LDB2: variants seen among roughly 807,000 people sequenced by gnomAD.
The protein encoded by LDB2 is LIM domain binding 2.
A neutral mutation model predicts 44.3 loss-of-function variants in LDB2; 12 were observed. That is an observed-to-expected ratio of 0.27 (90% CI 0.17 to 0.44). The LOEUF (loss-of-function observed/expected upper bound fraction) is 0.44. Ranked by LOEUF, LDB2 falls within the 20% of genes least tolerant of loss-of-function variation. The pLI is 1.00. For synonymous variants in LDB2, 164 were observed against 174.8 expected (o/e 0.94, Z 0.49); for missense variants, 344 against 473.5 (o/e 0.73, Z 2.54).
chr4:16,849,153 T>G (rs1015077942), intron 1 of LDB2, among the ~76,000 whole-genome samples: 1 of 152,184 alleles, frequency 6.6e-6, no homozygotes, highest in Non-Finnish European at 1.5e-5. Context: ...CCTCTGTCTT[T>G]CTTTTGCTGT....
At chr4:16,573,946 T>A (rs567820846) in intron 5 of LDB2, among the ~76,000 whole-genome samples, 35 of 152,166 alleles carry the variant, frequency 2.3e-4, no homozygotes, top group Admixed American at 6.5e-4. Context: ...CTCACAAAAA[T>A]AAGAAACAAA....
chr4:16,877,937 A>T (rs1718911060), intron 1 of LDB2, among the ~76,000 whole-genome samples: 1 of 152,062 alleles, frequency 6.6e-6, no homozygotes, highest in Non-Finnish European at 1.5e-5. Context: ...CTCAAAGACA[A>T]GAGGCAATTG....
At chr4:16,847,862 C>T (rs1164815802) in intron 1 of LDB2, among the ~76,000 whole-genome samples, 2 of 152,204 alleles carry the variant, frequency 1.3e-5, no homozygotes, top group South Asian at 2.1e-4. Flanking sequence ...GTGATCCACC[C>T]GCCTTGGCCT....
intron 1 of LDB2, among the ~76,000 whole-genome samples, chr4:16,814,001 A>G (rs1780423162): frequency 6.6e-6 from 1 of 151,374 alleles, no homozygotes; most frequent in Non-Finnish European, 1.5e-5. Flanking sequence ...CCTCCCGAGT[A>G]GCTGGGACTA....
intron 1 of LDB2, among the ~76,000 whole-genome samples, chr4:16,895,219 G>C (rs1337396338): frequency 6.6e-6 from 1 of 151,544 alleles, no homozygotes; most frequent in Non-Finnish European, 1.5e-5. Context: ...TAGTTTGTAA[G>C]AGTTAGAAAT....
chr4:16,613,163 C>T lies in LDB2; in HGVS notation c.236-17288G>A, dbSNP rs142243712. On this transcript the variant is annotated intron_variant, in intron 2 of 7. Transcript: ENST00000304523. ...AAGGCCTTTGGTAAAATTCAACATC[C>T]CTTCATGTTAAAATCTCTCAATAAA... is the stretch of plus-strand genomic sequence containing the variant. Among the ~76,000 whole-genome samples, 516 of 152,228 alleles carry T rather than the reference C, an allele frequency of 3.4e-3. 4 individuals carry two copies. Among genetic ancestry groups the T allele is most frequent in the African/African-American group, 0.012 (484 of 41,536 alleles).
At chr4:16,693,988 C>A (rs1024129918) in intron 2 of LDB2, among the ~76,000 whole-genome samples, 2 of 152,288 alleles carry the variant, frequency 1.3e-5, no homozygotes, top group Non-Finnish European at 2.9e-5. Context: ...GTGTAGGTTA[C>A]CTGTTGTCGC....
At chr4:16,641,263 A>G (rs1300339003) in intron 2 of LDB2, among the ~76,000 whole-genome samples, 1 of 152,204 alleles carries the variant, frequency 6.6e-6, no homozygotes, top group African/African-American at 2.4e-5. Flanking sequence ...AAAGGAGCTT[A>G]CCTTTTATTA....
intron 2 of LDB2, among the ~76,000 whole-genome samples, chr4:16,715,420 C>G (rs145118006): frequency 0.011 from 1,661 of 152,278 alleles, 31 homozygotes; most frequent in African/African-American, 0.037. Flanking sequence ...GGTCACTGGA[C>G]TATAGATGTC....
intron 2 of LDB2, among the ~76,000 whole-genome samples, chr4:16,624,024 A>G (rs1398873055): frequency 6.6e-6 from 1 of 152,162 alleles, no homozygotes; most frequent in Non-Finnish European, 1.5e-5. Flanking sequence ...CTTTTTTGCC[A>G]GTTCTAGCTT....
chr4:16,819,430 C>A, intron 1 of LDB2, among the ~76,000 whole-genome samples: 1 of 145,532 alleles, frequency 6.9e-6, no homozygotes, highest in African/African-American at 2.6e-5. Flanking sequence ...AAAGAAGAAC[C>A]CTCCCTGAAC....
intron 2 of LDB2, among the ~76,000 whole-genome samples, chr4:16,702,562 C>A (rs1753691076): frequency 6.6e-6 from 1 of 152,190 alleles, no homozygotes; most frequent in Admixed American, 6.5e-5. Context: ...GTGTTTCAGG[C>A]TTTGATGGAC....
At chr4:16,727,434 G>A (rs923171957) in intron 2 of LDB2, among the ~76,000 whole-genome samples, 6 of 152,322 alleles carry the variant, frequency 3.9e-5, no homozygotes, top group South Asian at 4.1e-4. Flanking sequence ...GGGAAGACTC[G>A]AGCATGGGGA....
intron 2 of LDB2, among the ~76,000 whole-genome samples, chr4:16,711,267 G>T (rs1560961093): frequency 6.6e-6 from 1 of 152,176 alleles, no homozygotes; most frequent in Non-Finnish European, 1.5e-5. Context: ...AAGAATCACG[G>T]CATTATGGTT....
intron 1 of LDB2, among the ~76,000 whole-genome samples, chr4:16,802,508 T>A (rs910800469): frequency 6.6e-6 from 1 of 152,172 alleles, no homozygotes; most frequent in Non-Finnish European, 1.5e-5. Context: ...TTGCTGACTC[T>A]CATGTTCACC....
chr4:16,862,795 T>C (rs1244967466), intron 1 of LDB2, among the ~76,000 whole-genome samples: 2 of 152,150 alleles, frequency 1.3e-5, no homozygotes, highest in Non-Finnish European at 2.9e-5. Context: ...ATTGGAATTA[T>C]TAAACCAAAC....
chr4:16,781,514 C>T (rs1773226584), intron 1 of LDB2, among the ~76,000 whole-genome samples: 1 of 152,094 alleles, frequency 6.6e-6, no homozygotes, highest in African/African-American at 2.4e-5. Flanking sequence ...TACTTTGCTC[C>T]TCTTCCCCAA....
intron 1 of LDB2, among the ~76,000 whole-genome samples, chr4:16,857,329 A>G (rs1789551133): frequency 6.6e-6 from 1 of 152,000 alleles, no homozygotes. Context: ...CACTTCTACT[A>G]CTCACATCCA....
At chr4:16,802,791 C>A (rs1179170997) in intron 1 of LDB2, among the ~76,000 whole-genome samples, 1 of 152,162 alleles carries the variant, frequency 6.6e-6, no homozygotes, top group Non-Finnish European at 1.5e-5. Context: ...GGGACACCAA[C>A]TGTGGAGTTT....
Sources: gnomAD v4.1 joint callset for allele counts (sites outside exome capture counted in the v4.1 genomes callset) on GRCh38, gnomAD v4.1.1 for gene constraint, MANE v1.5 for transcripts, NCBI Gene and HGNC (gene_info 2026-07-23, HGNC 2026-07-21) for gene names.